The following OSBPL8 variants were observed in gnomAD, a reference collection of about 807,000 sequenced individuals.
The protein encoded by OSBPL8 is oxysterol binding protein like 8, also known as oxysterol-binding protein-related protein 8.
OSBPL8 carries 59 observed loss-of-function variants against 125.5 expected under a neutral mutation model. The ratio of observed to expected loss-of-function variants is 0.47; its 90% CI spans 0.38 to 0.58. OSBPL8 has a LOEUF of 0.58. Among genes scored for constraint, OSBPL8 ranks in the 20% least tolerant of loss-of-function variants. The pLI is 0.00. For synonymous variants in OSBPL8, 330 were observed against 338.9 expected, an observed-to-expected ratio of 0.97 and a Z score of 0.29; for missense variants, 758 against 1,047.8, an observed-to-expected ratio of 0.72 and a Z score of 3.82.
chr12:76,500,691 T>C (rs1365351467), intron 1 of OSBPL8, among the ~76,000 whole-genome samples: 1 of 152,186 alleles, frequency 6.6e-6, no homozygotes, highest in Non-Finnish European at 1.5e-5. Flanking sequence ...AAGGACTACA[T>C]GCTGAAGAAT....
At chr12:76,399,784 G>A (rs1374097808) in intron 7 of OSBPL8, 89 bp downstream of exon 7, 13 of 930,244 alleles carry the variant, frequency 1.4e-5, no homozygotes, top group Non-Finnish European at 1.9e-5. Flanking sequence ...AGCTGTTTTT[G>A]TCTTGTAGGC....
chr12:76,435,530 G>A (rs562955558), intron 4 of OSBPL8, among the ~76,000 whole-genome samples: 1 of 152,182 alleles, frequency 6.6e-6, no homozygotes, highest in African/African-American at 2.4e-5. Context: ...GAGGGGAGAT[G>A]TTAACTGATC....
At chr12:76,405,057 T>C (rs1361667025) in intron 5 of OSBPL8, among the ~76,000 whole-genome samples, 1 of 152,240 alleles carries the variant, frequency 6.6e-6, no homozygotes, top group African/African-American at 2.4e-5. Flanking sequence ...ATTTGTACCC[T>C]ACTCTAATTC....
chr12:76,516,511 T>C (rs962973264), intron 1 of OSBPL8, among the ~76,000 whole-genome samples: 4 of 152,154 alleles, frequency 2.6e-5, no homozygotes, highest in African/African-American at 9.7e-5. Flanking sequence ...GAGAAAAGCG[T>C]ATGACCCTAG....
intron 4 of OSBPL8, among the ~76,000 whole-genome samples, chr12:76,432,065 G>C (rs147432942): frequency 1.3e-5 from 2 of 152,086 alleles, no homozygotes; most frequent in African/African-American, 4.8e-5. Context: ...AAGTAATCAA[G>C]TAAAAGTATC....
intron 4 of OSBPL8, among the ~76,000 whole-genome samples, chr12:76,417,912 T>C (rs1193942204): frequency 2.0e-5 from 3 of 152,144 alleles, no homozygotes; most frequent in Admixed American, 1.3e-4. Flanking sequence ...ATCTCTGACT[T>C]GTGTACTAAT....
At chr12:76,423,526 T>C (rs551742492) in intron 4 of OSBPL8, among the ~76,000 whole-genome samples, 1 of 151,956 alleles carries the variant, frequency 6.6e-6, no homozygotes, top group African/African-American at 2.4e-5. Flanking sequence ...TTAAAAAAAA[T>C]TTTTTTTAAA....
intron 4 of OSBPL8, among the ~76,000 whole-genome samples, chr12:76,414,141 C>T (rs1287121086): frequency 6.6e-6 from 1 of 152,112 alleles, no homozygotes; most frequent in Non-Finnish European, 1.5e-5. Flanking sequence ...CACCAACTGA[C>T]CTGCCACCAT....
At chr12:76,458,123 A>G (rs1874282412) in intron 3 of OSBPL8, among the ~76,000 whole-genome samples, 1 of 151,888 alleles carries the variant, frequency 6.6e-6, no homozygotes, top group Admixed American at 6.6e-5. Flanking sequence ...AATAAAAATA[A>G]AAAAAATTTA....
rs185727308 is a variant in OSBPL8 at position 76,535,671 on chromosome 12, G to C, written c.-68+23726C>G. Among the ~76,000 whole-genome samples the C allele has an allele frequency of 1.9e-3, 284 of 152,182 alleles. 1 individual carries two copies. Among genetic ancestry groups the C allele is most frequent in the African/African-American group, 6.5e-3 (269 of 41,508 alleles). ...AAAAGGTGAATGGATAAACAAATTG[G>C]ATATTCATTACAATACTGTAATAGT... On this transcript the variant is annotated intron_variant, in intron 1 of 23. Transcript: ENST00000261183.
intron 21 of OSBPL8, among the ~76,000 whole-genome samples, chr12:76,360,933 T>C (rs10459162): frequency 1 from 152,253 of 152,348 alleles, 76,079 homozygotes; most frequent in Middle Eastern, 1. Flanking sequence ...GCTTCCAGGT[T>C]GGTGAAGGGT....
chr12:76,430,570 C>T (rs1870688022), intron 4 of OSBPL8, among the ~76,000 whole-genome samples: 1 of 152,190 alleles, frequency 6.6e-6, no homozygotes, highest in Non-Finnish European at 1.5e-5. Flanking sequence ...TCATGAACTG[C>T]TTCACAAATA....
At chr12:76,459,340 A>C (rs1410836530) in intron 3 of OSBPL8, among the ~76,000 whole-genome samples, 2 of 152,126 alleles carry the variant, frequency 1.3e-5, no homozygotes, top group African/African-American at 4.8e-5. Context: ...GCCCCAAAAA[A>C]CTCTCAGTAA....
Position 76,390,677 on chromosome 12 carries a change from A to G in OSBPL8, c.930-20T>C. 1 of 1,444,682 alleles carries G rather than the reference A, an allele frequency of 6.9e-7. No individual in the cohort carries two copies. The highest frequency in any genetic ancestry group is 9.7e-7 in the Non-Finnish European group (1 of 1,029,740). 89.5% of individuals were successfully genotyped at this position (1,444,682 alleles called of 1,614,324 possible). On this transcript the variant is annotated intron_variant, in intron 10 of 23. Transcript: ENST00000261183. ...TTTAACCTTAAGGGAAAGAATTTTTAGGAGGAAGAATCAAGGATGTTAAGA... is the reference window on the plus strand; with the variant it reads ...TTTAACCTTAAGGGAAAGAATTTTTGGGAGGAAGAATCAAGGATGTTAAGA...
chr12:76,540,116 G>A (rs1950601505), intron 1 of OSBPL8, among the ~76,000 whole-genome samples: 1 of 152,134 alleles, frequency 6.6e-6, no homozygotes, highest in South Asian at 2.1e-4. Flanking sequence ...AGTGTTCACA[G>A]CTAGATTGAG....
At chr12:76,439,047 A>G (rs1871849897) in intron 4 of OSBPL8, among the ~76,000 whole-genome samples, 1 of 152,198 alleles carries the variant, frequency 6.6e-6, no homozygotes, top group Non-Finnish European at 1.5e-5. Flanking sequence ...AGCTCATAAA[A>G]TACAGGGGGA....
intron 2 of OSBPL8, among the ~76,000 whole-genome samples, chr12:76,478,231 C>T (rs893057172): frequency 5.3e-5 from 8 of 152,008 alleles, no homozygotes; most frequent in African/African-American, 1.9e-4. Flanking sequence ...ACACACCCTC[C>T]GGTAGCCACC....
At chr12:76,548,430 G>T (rs1280765054) in intron 1 of OSBPL8, among the ~76,000 whole-genome samples, 2 of 152,062 alleles carry the variant, frequency 1.3e-5, no homozygotes, top group African/African-American at 4.8e-5. Context: ...AAAAATAAGA[G>T]AACTGAGTAT....
chr12:76,544,002 A>G (rs1239898383), intron 1 of OSBPL8, among the ~76,000 whole-genome samples: 2 of 152,312 alleles, frequency 1.3e-5, no homozygotes, highest in East Asian at 3.9e-4. Flanking sequence ...TCTCTACAGC[A>G]CAGTGCCAAA....
Sources: gnomAD v4.1 joint callset for allele counts (sites outside exome capture counted in the v4.1 genomes callset) on GRCh38, gnomAD v4.1.1 for gene constraint, MANE v1.5 for transcripts, NCBI Gene and HGNC (gene_info 2026-07-23, HGNC 2026-07-21) for gene names.